Variants in PTPRG observed in about 807,000 individuals in gnomAD.
PTPRG encodes receptor-type tyrosine-protein phosphatase gamma.
Under a neutral mutation model 165.3 loss-of-function variants are expected in PTPRG, and 102 were observed. That is an observed-to-expected ratio of 0.62 (90% CI 0.53 to 0.73). The LOEUF (loss-of-function observed/expected upper bound fraction) is 0.73, where lower values mean the gene tolerates loss of function less well. Among genes scored for constraint, PTPRG ranks in the 30% least tolerant of loss-of-function variants. The pLI, the probability that PTPRG is intolerant of heterozygous loss-of-function variation, is 0.00. For missense variants in PTPRG, 1,866 were observed against 1,861.4 expected (o/e 1.00, Z -0.05); for synonymous variants, 675 against 669.5 (o/e 1.01, Z -0.13).
chr3:61,907,087 A>G (rs991391911), intron 2 of PTPRG, among the ~76,000 whole-genome samples: 6 of 152,160 alleles, frequency 3.9e-5, no homozygotes, highest in African/African-American at 7.2e-5. Flanking sequence ...TATTTGGGGT[A>G]ACATATTCTG....
chr3:62,073,334 A>G (rs1701270998), intron 4 of PTPRG, among the ~76,000 whole-genome samples: 1 of 152,202 alleles, frequency 6.6e-6, no homozygotes, highest in African/African-American at 2.4e-5. Flanking sequence ...TCTACAAAAT[A>G]CTTTTTAATT....
intron 8 of PTPRG, among the ~76,000 whole-genome samples, chr3:62,176,019 G>A (rs1705409031): frequency 6.6e-6 from 1 of 152,202 alleles, no homozygotes; most frequent in African/African-American, 2.4e-5. Flanking sequence ...CTAGCAGTGG[G>A]AAGCCTCTGG....
At position 61,887,453 on chromosome 3, in the gene PTPRG, C is replaced by G. The variant is rs188231759; in HGVS notation, c.191-102172C>G. 4.0e-3 allele frequency among the ~76,000 whole-genome samples: 603 copies of G among 151,998 alleles called. 3 individuals are homozygous for G. Among genetic ancestry groups the G allele is most frequent in the African/African-American group, 0.014 (564 of 41,456 alleles). ...CCAGTGTACTGTTTACAAACATGTC[C>G]CCAGTCTTGAAGTGTATTCAGATTT... On this transcript the variant is annotated intron_variant, in intron 2 of 29. Coordinates refer to ENST00000474889, the MANE Select transcript of PTPRG (RefSeq NM_002841.4).
chr3:62,197,918 T>G (rs1700007991), intron 10 of PTPRG, among the ~76,000 whole-genome samples: 1 of 152,184 alleles, frequency 6.6e-6, no homozygotes, highest in Non-Finnish European at 1.5e-5. Context: ...GGACGTGAGT[T>G]TACTCATTAC....
At chr3:62,111,984 G>A (rs970154914) in intron 5 of PTPRG, among the ~76,000 whole-genome samples, 3 of 152,180 alleles carry the variant, frequency 2.0e-5, no homozygotes, top group Non-Finnish European at 2.9e-5. Context: ...GATAAATGAG[G>A]CCTAAAGAGG....
chr3:62,111,772 A>G (rs1263819621), intron 5 of PTPRG, among the ~76,000 whole-genome samples: 1 of 152,054 alleles, frequency 6.6e-6, no homozygotes, highest in Admixed American at 6.5e-5. Context: ...TATTCCAGAA[A>G]TATCATTGTC....
At chr3:61,943,282 A>T (rs2039678573) in intron 2 of PTPRG, among the ~76,000 whole-genome samples, 2 of 152,144 alleles carry the variant, frequency 1.3e-5, no homozygotes, top group South Asian at 4.1e-4. Flanking sequence ...GTTTTCTAAA[A>T]ATGCTGACAA....
chr3:61,924,756 G>A (rs552888766), intron 2 of PTPRG, among the ~76,000 whole-genome samples: 1 of 152,316 alleles, frequency 6.6e-6, no homozygotes, highest in East Asian at 1.9e-4. Flanking sequence ...GGGTCATATG[G>A]TCTCTGCTGC....
intron 2 of PTPRG, among the ~76,000 whole-genome samples, chr3:61,860,884 A>C (rs977892645): frequency 6.6e-6 from 1 of 151,440 alleles, no homozygotes. Flanking sequence ...GTGTAGATTC[A>C]TGTATCCGTC....
intron 2 of PTPRG, among the ~76,000 whole-genome samples, chr3:61,757,969 T>C (rs2033688811): frequency 6.6e-6 from 1 of 152,238 alleles, no homozygotes; most frequent in African/African-American, 2.4e-5. Flanking sequence ...CTCTGTGATT[T>C]ACTTAAGGGC....
At chr3:61,907,331 C>G (rs2038681913) in intron 2 of PTPRG, among the ~76,000 whole-genome samples, 1 of 152,182 alleles carries the variant, frequency 6.6e-6, no homozygotes, top group Admixed American at 6.5e-5. Context: ...CACATGGTCT[C>G]TCTCCCCTGC....
chr3:61,700,994 A>T (rs944570028), intron 1 of PTPRG, among the ~76,000 whole-genome samples: 1 of 152,206 alleles, frequency 6.6e-6, no homozygotes, highest in African/African-American at 2.4e-5. Flanking sequence ...ACTAGCAAGG[A>T]AGTGAAGACA....
At chr3:61,929,935 A>C (rs1195661882) in intron 2 of PTPRG, among the ~76,000 whole-genome samples, 1 of 152,244 alleles carries the variant, frequency 6.6e-6, no homozygotes, top group African/African-American at 2.4e-5. Flanking sequence ...TTGAATTGTC[A>C]GTAATGAAAT....
At chr3:61,658,675 C>T (rs535474938) in intron 1 of PTPRG, among the ~76,000 whole-genome samples, 82 of 152,144 alleles carry the variant, frequency 5.4e-4, no homozygotes, top group African/African-American at 1.6e-3. Flanking sequence ...AAGTTCTTTG[C>T]GAGTTAAGGA....
chr3:61,841,081 C>T (rs778138847), intron 2 of PTPRG, among the ~76,000 whole-genome samples: 13 of 152,072 alleles, frequency 8.5e-5, no homozygotes, highest in Non-Finnish European at 1.6e-4. Flanking sequence ...CACACCCGGC[C>T]GATAGGTAGC....
intron 8 of PTPRG, among the ~76,000 whole-genome samples, chr3:62,169,653 G>A (rs1400765153): frequency 1.3e-5 from 2 of 152,054 alleles, no homozygotes; most frequent in Non-Finnish European, 2.9e-5. Flanking sequence ...AGGGAGGAAG[G>A]AAAAAGAAGG....
At chr3:62,259,007 A>G (rs1278483810) in intron 16 of PTPRG, among the ~76,000 whole-genome samples, 2 of 152,208 alleles carry the variant, frequency 1.3e-5, no homozygotes, top group East Asian at 1.9e-4. Flanking sequence ...TCAGAAGTCT[A>G]AAAGAGTGCA....
intron 2 of PTPRG, among the ~76,000 whole-genome samples, chr3:61,963,017 G>GT (rs924974398): frequency 1.3e-5 from 2 of 151,940 alleles, no homozygotes; most frequent in African/African-American, 4.8e-5. Flanking sequence ...TCTATATTCC[G>GT]TCCCCACCCT....
chr3:61,911,573 G>A (rs1204911086), intron 2 of PTPRG, among the ~76,000 whole-genome samples: 2 of 151,964 alleles, frequency 1.3e-5, no homozygotes, highest in Non-Finnish European at 2.9e-5. Context: ...ATTTTTAATA[G>A]GGGATGTATT....
Sources: gnomAD v4.1 joint callset for allele counts (sites outside exome capture counted in the v4.1 genomes callset) on GRCh38, gnomAD v4.1.1 for gene constraint, MANE v1.5 for transcripts, NCBI Gene and HGNC (gene_info 2026-07-23, HGNC 2026-07-21) for gene names.